The following SNCAIP variants were observed in gnomAD, a reference collection of about 807,000 sequenced individuals.
SNCAIP encodes the protein synphilin-1.
A neutral mutation model predicts 86.7 loss-of-function variants in SNCAIP; 43 were observed. That is an observed-to-expected ratio of 0.50 (90% confidence interval 0.39 to 0.64). SNCAIP has a LOEUF of 0.64. Among genes scored for constraint, SNCAIP ranks in the 30% least tolerant of loss-of-function variants. The pLI, the probability that SNCAIP is intolerant of heterozygous loss-of-function variation, is 0.00. For synonymous variants in SNCAIP, 417 were observed against 427.2 expected, an observed-to-expected ratio of 0.98 and a Z score of 0.29; for missense variants, 981 against 1,103.1, an observed-to-expected ratio of 0.89 and a Z score of 1.57.
chr5:122,341,092 C>CA (rs150853015), intron 1 of SNCAIP, among the ~76,000 whole-genome samples: 155 of 152,310 alleles, frequency 1.0e-3, no homozygotes, highest in African/African-American at 3.3e-3. Context: ...TGAGGAAGGA[C>CA]ATATTTAAAG....
At chr5:122,418,152 T>A (rs760460834) in intron 3 of SNCAIP, among the ~76,000 whole-genome samples, 3 of 152,186 alleles carry the variant, frequency 2.0e-5, no homozygotes, top group Non-Finnish European at 4.4e-5. Flanking sequence ...AAGGATGAAT[T>A]TAGCAGTGGA....
intron 1 of SNCAIP, among the ~76,000 whole-genome samples, chr5:122,379,552 C>G (rs1301139206): frequency 6.8e-6 from 1 of 146,552 alleles, no homozygotes; most frequent in African/African-American, 2.5e-5. Flanking sequence ...GCCTGATTGC[C>G]CTGGCCAGAA....
intron 1 of SNCAIP, among the ~76,000 whole-genome samples, chr5:122,322,161 A>C (rs535383151): frequency 6.6e-6 from 1 of 152,182 alleles, no homozygotes; most frequent in South Asian, 2.1e-4. Flanking sequence ...AGTCATCACT[A>C]CTCCCTCTGA....
intron 1 of SNCAIP, among the ~76,000 whole-genome samples, chr5:122,383,049 T>C (rs1024181155): frequency 7.9e-5 from 12 of 152,202 alleles, no homozygotes; most frequent in Non-Finnish European, 1.8e-4. Flanking sequence ...GCAGGCCTCC[T>C]TGAGCTGTGG....
At chr5:122,443,689 T>C (rs950560513) in intron 7 of SNCAIP, 1 of 455,936 alleles carries the variant, frequency 2.2e-6, no homozygotes, top group African/African-American at 2.0e-5. Context: ...GAAGGAGGTA[T>C]GAAGAGAAAA....
At chr5:122,383,247 G>A (rs1308014581) in intron 1 of SNCAIP, among the ~76,000 whole-genome samples, 1 of 152,228 alleles carries the variant, frequency 6.6e-6, no homozygotes. Context: ...CTCGTGATGC[G>A]CCGTTTTTTA....
chr5:122,373,409 A>T (rs1561605663), intron 1 of SNCAIP, among the ~76,000 whole-genome samples: 2 of 152,146 alleles, frequency 1.3e-5, no homozygotes, highest in Non-Finnish European at 2.9e-5. Context: ...GGATTTATTT[A>T]AAAATCCAGG....
intron 1 of SNCAIP, among the ~76,000 whole-genome samples, chr5:122,362,314 G>A (rs1561582185): frequency 6.6e-6 from 1 of 152,172 alleles, no homozygotes; most frequent in Non-Finnish European, 1.5e-5. Flanking sequence ...TCATAAGACT[G>A]TGAGATGAAT....
intron 1 of SNCAIP, among the ~76,000 whole-genome samples, chr5:122,382,596 T>C (rs1309961319): frequency 6.6e-6 from 1 of 152,306 alleles, no homozygotes; most frequent in African/African-American, 2.4e-5. Flanking sequence ...GGAACTGCGT[T>C]CCTTTGGAGG....
intron 3 of SNCAIP, among the ~76,000 whole-genome samples, chr5:122,421,255 A>G (rs1317703865): frequency 1.3e-5 from 2 of 152,218 alleles, no homozygotes; most frequent in East Asian, 1.9e-4. Context: ...AGGTCTGAGA[A>G]GTGGACTGCA....
chr5:122,423,373 C>T lies in SNCAIP; in HGVS notation c.636C>T (p.Pro212=), dbSNP rs56331004. ...SNMAPFCVLS[P]VKSPHLRKAS... is the part of the protein sequence containing the mutation. Reference sequence around the variant, plus strand: ...TGGCACCATTTTGTGTTCTTTCTCCCGTGAAAAGCCCTCACTTGAGAAAAG... The same window carrying T: ...TGGCACCATTTTGTGTTCTTTCTCCTGTGAAAAGCCCTCACTTGAGAAAAG... The change falls in exon 4 of 11, where the codon CCC becomes CCT. Residue 212 remains proline (P), a synonymous_variant. Transcript: ENST00000261368. The T allele has an allele frequency of 1.2e-3, 1,930 of 1,613,544 alleles. 11 individuals are homozygous for T. Among genetic ancestry groups the T allele is most frequent in the Non-Finnish European group, 1.0e-3 (1,231 of 1,179,650 alleles).
chr5:122,455,132 T>A (rs910850880), intron 10 of SNCAIP, among the ~76,000 whole-genome samples: 6 of 152,204 alleles, frequency 3.9e-5, no homozygotes, highest in African/African-American at 1.4e-4. Context: ...ACCCTGTAAA[T>A]TAACCTATAC....
In SNCAIP at chr5:122,396,833, TG is replaced by T. The variant is rs527853436; in HGVS notation, c.57+5643del. On this transcript the variant is annotated intron_variant, in intron 2 of 10. Transcript: ENST00000261368. ...ATTAAAAATAGACTATCATTGAAGTTGAACAAGGTTTATGACTGGCCATCTG... is the reference window on the plus strand; with the variant it reads ...ATTAAAAATAGACTATCATTGAAGTTAACAAGGTTTATGACTGGCCATCTG... Among the ~76,000 whole-genome samples, 32 of 152,330 alleles carry T rather than the reference TG, an allele frequency of 2.1e-4. No homozygotes were observed. In the East Asian group the frequency reaches 5.8e-3, roughly 28 times the overall value.
rs536332591 is a variant in SNCAIP, at chr5:122,392,541, C to G, written c.57+1350C>G. On this transcript the variant is annotated intron_variant, in intron 2 of 10. Transcript: ENST00000261368. The stretch of plus-strand genomic sequence containing the variant: ...AAAAAGCAAGGAATGTGAATGGTAG[C>G]ATGGGTGTATGTAGGTAGGATGGAA... 2.6e-5 allele frequency among the ~76,000 whole-genome samples: 4 copies of G among 152,244 alleles called. No individual in the cohort carries two copies. The East Asian group carries it at 7.7e-4, about 29-fold the overall frequency.
At chr5:122,357,202 A>G (rs923433464) in intron 1 of SNCAIP, among the ~76,000 whole-genome samples, 4 of 151,946 alleles carry the variant, frequency 2.6e-5, no homozygotes, top group African/African-American at 9.7e-5. Context: ...TGTCAATTGT[A>G]TGTCTGCCCT....
chr5:122,336,083 C>T (rs1026297590), intron 1 of SNCAIP, among the ~76,000 whole-genome samples: 2 of 151,976 alleles, frequency 1.3e-5, no homozygotes, highest in South Asian at 4.1e-4. Context: ...CAGAGGGAGG[C>T]CTTCTTCTAC....
intron 3 of SNCAIP, among the ~76,000 whole-genome samples, chr5:122,411,513 A>G (rs992295497): frequency 6.6e-6 from 1 of 151,962 alleles, no homozygotes; most frequent in Non-Finnish European, 1.5e-5. Flanking sequence ...CTATCTTCCC[A>G]TTTCAGATCA....
intron 8 of SNCAIP, chr5:122,445,032 T>A (rs1263116399): frequency 4.7e-6 from 2 of 428,662 alleles, no homozygotes. Flanking sequence ...CAGGGCCAGA[T>A]TACAGAGCGC....
At chr5:122,415,763 C>T (rs559805198) in intron 3 of SNCAIP, among the ~76,000 whole-genome samples, 1 of 152,188 alleles carries the variant, frequency 6.6e-6, no homozygotes, top group Non-Finnish European at 1.5e-5. Context: ...CACAGCTCTG[C>T]CCTGTTCCAG....
Sources: gnomAD v4.1 joint callset for allele counts (sites outside exome capture counted in the v4.1 genomes callset) on GRCh38, gnomAD v4.1.1 for gene constraint, MANE v1.5 for transcripts, NCBI Gene and HGNC (gene_info 2026-07-23, HGNC 2026-07-21) for gene names.